Variants in CNTN3 observed in about 807,000 individuals in gnomAD.
CNTN3 encodes contactin 3, also known as contactin-3.
CNTN3 carries 60 observed loss-of-function variants against 119.1 expected under a neutral mutation model. The ratio of observed to expected loss-of-function variants is 0.50; its 90% CI spans 0.41 to 0.62. The LOEUF is 0.62. Ranked by LOEUF, CNTN3 falls within the 20% of genes least tolerant of loss-of-function variation. The probability of loss-of-function intolerance (pLI) is 0.00; values close to 1 mark genes in which losing one functional copy is unlikely to be tolerated. For missense variants in CNTN3, 1,101 were observed against 1,242.4 expected (o/e 0.89, Z 1.71); for synonymous variants, 450 against 438.7 (o/e 1.03, Z -0.32).
At chr3:74,401,165 A>C (rs1705181309) in intron 5 of CNTN3, among the ~76,000 whole-genome samples, 1 of 144,070 alleles carries the variant, frequency 6.9e-6, no homozygotes, top group Non-Finnish European at 1.6e-5. Context: ...TATTAATGAA[A>C]ATGTCCCCAA....
chr3:74,270,877 A>G (rs1386618587), intron 20 of CNTN3, among the ~76,000 whole-genome samples: 3 of 152,180 alleles, frequency 2.0e-5, no homozygotes, highest in Non-Finnish European at 4.4e-5. Context: ...AATTAGAAAA[A>G]ACTGGTAAAA....
intron 2 of CNTN3, among the ~76,000 whole-genome samples, chr3:74,516,204 C>A (rs4676973): frequency 0.94 from 141,688 of 150,612 alleles, 66,874 homozygotes; most frequent in East Asian, 0.98. Context: ...ACAACATGGG[C>A]AGGCCTGGAA....
intron 4 of CNTN3, among the ~76,000 whole-genome samples, chr3:74,446,185 C>T (rs1575732647): frequency 2.0e-5 from 3 of 152,244 alleles, no homozygotes; most frequent in South Asian, 2.1e-4. Flanking sequence ...ACTCAGTTTC[C>T]TCATATGTAA....
At chr3:74,410,900 T>C (rs1299693577) in intron 5 of CNTN3, among the ~76,000 whole-genome samples, 2 of 152,238 alleles carry the variant, frequency 1.3e-5, no homozygotes, top group South Asian at 2.1e-4. Flanking sequence ...GATTTCATAA[T>C]GATATAGTAA....
chr3:74,299,446 C>G (rs1320646587), intron 17 of CNTN3, among the ~76,000 whole-genome samples: 1 of 152,138 alleles, frequency 6.6e-6, no homozygotes, highest in Non-Finnish European at 1.5e-5. Context: ...GGGGGCTGCA[C>G]AGCTGCTTGG....
chr3:74,277,694 T>C (rs1228595033), intron 20 of CNTN3, among the ~76,000 whole-genome samples: 2 of 152,064 alleles, frequency 1.3e-5, no homozygotes, highest in Non-Finnish European at 2.9e-5. Flanking sequence ...GTATTCCCTC[T>C]GAGAACTGGA....
intron 5 of CNTN3, among the ~76,000 whole-genome samples, chr3:74,389,695 C>A (rs750171821): frequency 6.6e-6 from 1 of 152,036 alleles, no homozygotes; most frequent in Non-Finnish European, 1.5e-5. Flanking sequence ...AGATCTCAGG[C>A]ATAATAAGTG....
chr3:74,545,969 TG>T (rs1262283622), intron 1 of CNTN3, among the ~76,000 whole-genome samples: 1 of 152,160 alleles, frequency 6.6e-6, no homozygotes, highest in Admixed American at 6.5e-5. Context: ...CTTCTTAATT[TG>T]GTTTCATTTC....
chr3:74,434,702 A>G (rs1050705158), intron 4 of CNTN3, among the ~76,000 whole-genome samples: 2 of 152,142 alleles, frequency 1.3e-5, no homozygotes, highest in African/African-American at 4.8e-5. Flanking sequence ...TACCTCTGCT[A>G]TTGTTGCAAG....
chr3:74,590,361 T>C (rs1001133567), intron 1 of CNTN3, among the ~76,000 whole-genome samples: 7 of 152,012 alleles, frequency 4.6e-5, no homozygotes, highest in Non-Finnish European at 7.4e-5. Flanking sequence ...ATAACACAGA[T>C]GCCCAACTAT....
At chr3:74,361,689 A>G (rs1331367369) in intron 11 of CNTN3, among the ~76,000 whole-genome samples, 1 of 152,152 alleles carries the variant, frequency 6.6e-6, no homozygotes, top group Non-Finnish European at 1.5e-5. Flanking sequence ...GACCTTGGAT[A>G]TATTTTCTGT....
chr3:74,457,469 T>C (rs1236064841), intron 4 of CNTN3, among the ~76,000 whole-genome samples: 7 of 151,978 alleles, frequency 4.6e-5, no homozygotes, highest in Non-Finnish European at 1.0e-4. Context: ...AGATATTATA[T>C]AATAATATCA....
chr3:74,488,822 A>G (rs1447263142), intron 3 of CNTN3, among the ~76,000 whole-genome samples: 1 of 152,210 alleles, frequency 6.6e-6, no homozygotes, highest in Non-Finnish European at 1.5e-5. Context: ...ACAAAATTAG[A>G]AAGAAAAATC....
intron 19 of CNTN3, among the ~76,000 whole-genome samples, chr3:74,290,695 C>T (rs1278576890): frequency 6.6e-6 from 1 of 151,838 alleles, no homozygotes; most frequent in Non-Finnish European, 1.5e-5. Flanking sequence ...CATTTATTTT[C>T]TTTTTTTCTT....
chr3:74,404,437 T>C (rs1705273542), intron 5 of CNTN3, among the ~76,000 whole-genome samples: 2 of 152,110 alleles, frequency 1.3e-5, no homozygotes, highest in Non-Finnish European at 1.5e-5. Context: ...ACTTTGAACA[T>C]ACCAAATCAC....
chr3:74,304,173 A>G (rs1559692719), intron 13 of CNTN3, among the ~76,000 whole-genome samples: 1 of 152,184 alleles, frequency 6.6e-6, no homozygotes, highest in Non-Finnish European at 1.5e-5. Context: ...ATAGTTTTAC[A>G]TGAAATTTGT....
chr3:74,336,757 T>A, intron 11 of CNTN3, 99 bp from the exon 12 acceptor site: 1 of 949,440 alleles, frequency 1.1e-6, no homozygotes, highest in Non-Finnish European at 1.5e-6. Context: ...TAAGCTAGTA[T>A]TTTTAAGGCA....
chr3:74,395,970 G>C (rs1268646126), intron 5 of CNTN3, among the ~76,000 whole-genome samples: 1 of 151,992 alleles, frequency 6.6e-6, no homozygotes, highest in Non-Finnish European at 1.5e-5. Flanking sequence ...TTTTTGGGGA[G>C]CTCCATGAAC....
At chr3:74,304,802 T>C (rs1702526568) in intron 13 of CNTN3, among the ~76,000 whole-genome samples, 1 of 152,272 alleles carries the variant, frequency 6.6e-6, no homozygotes, top group East Asian at 1.9e-4. Context: ...AAGGAAGCAA[T>C]TAACTAAAAC....
Sources: gnomAD v4.1 joint callset for allele counts (sites outside exome capture counted in the v4.1 genomes callset) on GRCh38, gnomAD v4.1.1 for gene constraint, MANE v1.5 for transcripts, NCBI Gene and HGNC (gene_info 2026-07-23, HGNC 2026-07-21) for gene names.